Variants in TNFRSF1A observed in about 807,000 individuals in gnomAD.
TNFRSF1A encodes TNF receptor superfamily member 1A.
Under a neutral mutation model 41.6 loss-of-function variants are expected in TNFRSF1A, and 9 were observed. The observed-to-expected ratio is 0.22, with a 90% CI of 0.13 to 0.38. TNFRSF1A has a LOEUF of 0.38. Ranked by LOEUF, TNFRSF1A falls within the 10% of genes least tolerant of loss-of-function variation. The pLI is 1.00. For synonymous variants in TNFRSF1A, 254 were observed against 248.6 expected, an observed-to-expected ratio of 1.02 and a Z score of -0.21; for missense variants, 463 against 591.5, an observed-to-expected ratio of 0.78 and a Z score of 2.25.
Position 6,329,619 on chromosome 12 carries a change from T to C in TNFRSF1A, c.1061A>G (p.Asp354Gly). The change falls in exon 10 of 10, where the codon GAT becomes GGT. Residue 354 changes from aspartate to glycine, a missense_variant. By Grantham distance (94) the Asp-to-Gly change is moderately conservative. Transcript: ENST00000162749. Reference protein sequence around the residue: ...SAHKPQSLDTDDPATLYAVVE... With the variant: ...SAHKPQSLDTGDPATLYAVVE... ...CACGGCGTACAGCGTCGCGGGGTCA[T>C]CAGCTGCGGGGACGCGGGCCGGTGA... The C allele has an allele frequency of 6.3e-7, 1 of 1,593,882 alleles. No homozygotes were observed. The highest frequency in any genetic ancestry group is 8.5e-7 in the Non-Finnish European group (1 of 1,174,174).
rs369451569 is a variant in TNFRSF1A at position 6,329,626 on chromosome 12, C to G, written c.1058-4G>C. 2.5e-6 allele frequency: 4 copies of G among 1,589,186 alleles called. No individual in the cohort carries two copies. In the Admixed American group the frequency reaches 5.1e-5, roughly 20 times the overall value. ...TACAGCGTCGCGGGGTCATCAGCTG[C>G]GGGGACGCGGGCCGGTGAGCCTCGG... On this transcript the variant is annotated splice_polypyrimidine_tract_variant and splice_region_variant and intron_variant, in intron 9 of 9. Coordinates refer to ENST00000162749, the MANE Select transcript of TNFRSF1A (RefSeq NM_001065.4).
rs1592044162 is a variant in TNFRSF1A at position 6,329,970 on chromosome 12, G to A, written c.865C>T (p.Pro289Ser). Residue 289 changes from proline (P) to serine (S), a missense_variant, in exon 9 of 10, where the codon CCC becomes TCC. Around this residue, in one of 4 missense-constraint regions of TNFRSF1A, gnomAD observed 277 missense variants for 288.8 expected, o/e 0.96. Coordinates refer to ENST00000162749, the MANE Select transcript of TNFRSF1A (RefSeq NM_001065.4). The part of the protein sequence containing the change: ...FTPTLGFSPV[P>S]SSTFTSSSTY... ...GAGCTGGAGGTGAAGGTGGAACTGG[G>A]CACGGGACTGAAGCCCAGGGTGGGG... The A allele has an allele frequency of 1.9e-6, 3 of 1,584,342 alleles. No homozygotes were observed. The highest frequency in any genetic ancestry group is 2.3e-5 in the East Asian group (1 of 43,352).
Position 6,333,204 on chromosome 12 carries a change from G to A in TNFRSF1A, c.473-57C>T, listed in dbSNP as rs993065991. 3.2e-6 allele frequency: 5 copies of A among 1,587,166 alleles called. No individual in the cohort carries two copies. The African/African-American group carries it at 4.0e-5, about 13-fold the overall frequency. ...GAAGCGCCTGCACCCCCACCCCACA[G>A]GACAGAGGAAGTGACGAGGGACAGG... On this transcript the variant is annotated intron_variant, in intron 4 of 9. Transcript: ENST00000162749. This position sits in a 1 kb window ranked among gnomAD's most constrained non-coding sequence, Gnocchi z 6.3.
intron 7 of TNFRSF1A, 96 bp downstream of exon 7, chr12:6,330,502 G>T: frequency 9.3e-7 from 1 of 1,070,898 alleles, no homozygotes. Flanking sequence ...GAACTGAGGG[G>T]ACACTCCTCA....
chr12:6,332,238 G>A (rs1289056099), intron 5 of TNFRSF1A, among the ~76,000 whole-genome samples: 1 of 151,468 alleles, frequency 6.6e-6, no homozygotes, highest in East Asian at 1.9e-4. Flanking sequence ...CCAGGAGTCC[G>A]AGGCCAGCCT....
At position 6,334,013 on chromosome 12, in the gene TNFRSF1A, G is replaced by C; in HGVS notation, c.193+78C>G. 8 of 1,611,820 alleles carry C rather than the reference G, an allele frequency of 5.0e-6. No individual in the cohort carries two copies. Among genetic ancestry groups the C allele is most frequent in the Non-Finnish European group, 6.8e-6 (8 of 1,177,988 alleles). ...AGCCCAGGAGAGACAGCAAAGTTAGGGAAGAACAACTGGAAGAAGCAGAGA... is the reference window on the plus strand; with the variant it reads ...AGCCCAGGAGAGACAGCAAAGTTAGCGAAGAACAACTGGAAGAAGCAGAGA... On this transcript the variant is annotated intron_variant, in intron 2 of 9. Coordinates refer to ENST00000162749, the MANE Select transcript of TNFRSF1A (RefSeq NM_001065.4). The surrounding 1 kb of genome is among the most constrained non-coding windows in gnomAD (Gnocchi z 5.1).
Position 6,341,795 on chromosome 12 carries a change from G to A in TNFRSF1A, c.20C>T (p.Pro7Leu). 6.2e-7 allele frequency: 1 copy of A among 1,614,172 alleles called. No homozygotes were observed. The highest frequency in any genetic ancestry group is 1.1e-5 in the South Asian group (1 of 91,090). MGLSTV[P>L]DLLLPLVLLE... ...TCTCACCAGTGGCAGCAGCAGGTCA[G>A]GCACGGTGGAGAGGCCCATGCCAGA... The change falls in exon 1 of 10, where the codon CCT becomes CTT. Residue 7 changes from proline (P) to leucine (L), a missense_variant. Physicochemically the swap from Pro to Leu is moderately conservative, Grantham distance 98. This residue lies in a region of TNFRSF1A where 37 missense variants were observed against 46.5 expected (regional missense o/e 0.80). Transcript: ENST00000162749. This position sits in a 1 kb window ranked among gnomAD's most constrained non-coding sequence, Gnocchi z 4.6.
intron 5 of TNFRSF1A, 77 bp from the exon 6 acceptor site, chr12:6,331,003 G>A: frequency 4.9e-6 from 6 of 1,216,934 alleles, no homozygotes; most frequent in Non-Finnish European, 7.2e-6. Context: ...ACAGATTGTT[G>A]GACATCCTTT....
chr12:6,329,842 G>A lies in TNFRSF1A; in HGVS notation c.993C>T (p.Ser331=), dbSNP rs1352725854. The change falls in exon 9 of 10, where the codon TCC becomes TCT. Residue 331 remains serine (S), a synonymous_variant. Transcript: ENST00000162749. The part of the protein sequence containing the change: ...ADPILATALA[S]DPIPNPLQKW... Reference sequence around the variant, plus strand: ...TCTGAAGGGGGTTGGGGATGGGGTCGGAGGCGAGGGCTGTCGCAAGGATGG... The same window carrying A: ...TCTGAAGGGGGTTGGGGATGGGGTCAGAGGCGAGGGCTGTCGCAAGGATGG... 3.7e-6 allele frequency: 6 copies of A among 1,603,340 alleles called. No individual in the cohort carries two copies. Among genetic ancestry groups the A allele is most frequent in the Non-Finnish European group, 5.1e-6 (6 of 1,175,800 alleles).
At position 6,337,386 on chromosome 12, in the gene TNFRSF1A, A is replaced by T. The variant is rs1395589388; in HGVS notation, c.40-3142T>A. On this transcript the variant is annotated intron_variant, in intron 1 of 9. Transcript: ENST00000162749. This position sits in a 1 kb window ranked among gnomAD's most constrained non-coding sequence, Gnocchi z 4.6. ...CAATTTCCGCCAGAGGAGGCTTTAA[A>T]GTGTGACTTCCTGTGCTGGGGCTGC... Among the ~76,000 whole-genome samples, 3 of 152,170 alleles carry T rather than the reference A, an allele frequency of 2.0e-5. No homozygotes were observed. The highest frequency in any genetic ancestry group is 4.4e-5 in the Non-Finnish European group (3 of 68,016).
At chr12:6,340,920 C>A (rs917332025) in intron 1 of TNFRSF1A, among the ~76,000 whole-genome samples, 2 of 152,230 alleles carry the variant, frequency 1.3e-5, no homozygotes, top group Admixed American at 6.5e-5. Context: ...TTTCTACCAA[C>A]TTCCCCAAAC....
At chr12:6,336,949 AG>A (rs1238906631) in intron 1 of TNFRSF1A, among the ~76,000 whole-genome samples, 3 of 152,196 alleles carry the variant, frequency 2.0e-5, no homozygotes, top group South Asian at 2.1e-4. Context: ...TTAGGAAACA[AG>A]GCCAGTTCTG....
intron 1 of TNFRSF1A, among the ~76,000 whole-genome samples, chr12:6,338,833 T>C (rs1420590888): frequency 6.6e-6 from 1 of 152,164 alleles, no homozygotes; most frequent in African/African-American, 2.4e-5. Context: ...TTTTGCTGTG[T>C]TGCCCAGGCT....
intron 5 of TNFRSF1A, 118 bp downstream of exon 5, chr12:6,332,951 T>C: frequency 1.2e-6 from 1 of 864,938 alleles, no homozygotes; most frequent in Non-Finnish European, 2.0e-6. Flanking sequence ...ACTCAGCCAG[T>C]AGGACCCTGA....
chr12:6,341,920 C>CA lies in TNFRSF1A; in HGVS notation c.-107_-106insT. 4.8e-6 allele frequency: 6 copies of CA among 1,249,788 alleles called. No individual in the cohort carries two copies. The highest frequency in any genetic ancestry group is 5.8e-6 in the Non-Finnish European group (5 of 856,694). 77.4% of individuals were successfully genotyped at this position (1,249,788 alleles called of 1,614,324 possible). On this transcript the variant is annotated 5_prime_UTR_variant, in exon 1 of 10. The change creates a premature stop within an existing upstream ORF in the 5' untranslated region. Coordinates refer to ENST00000162749, the MANE Select transcript of TNFRSF1A (RefSeq NM_001065.4). The surrounding 1 kb of genome is among the most constrained non-coding windows in gnomAD (Gnocchi z 4.6). ...CGGTCTGTCCAGGACGTCCCAAGTG[C>CA]CTTGGGGTGACAGTTGAGGGTTGAG...
chr12:6,329,430 G>A lies in TNFRSF1A; in HGVS notation c.1250C>T (p.Thr417Met), dbSNP rs1438992709. 2 of 1,583,624 alleles carry A rather than the reference G, an allele frequency of 1.3e-6. No individual in the cohort carries two copies. The highest frequency in any genetic ancestry group is 1.7e-6 in the Non-Finnish European group (2 of 1,171,832). Residue 417 changes from threonine (T) to methionine (M), a missense_variant, in exon 10 of 10, where the codon ACG becomes ATG. Around this residue, in one of 4 missense-constraint regions of TNFRSF1A, gnomAD observed 277 missense variants for 288.8 expected, o/e 0.96. Transcript: ENST00000162749. ...GAGCACGCGTCCCAGCAGCTCCAGC[G>A]TGGCCTCGCGCCGCGGCGTGCGCCG... The part of the protein sequence containing the change: ...WRRRTPRREA[T>M]LELLGRVLRD...
chr12:6,329,978 C>A lies in TNFRSF1A; in HGVS notation c.857G>T (p.Ser286Ile), dbSNP rs1314534317. 2 of 1,590,992 alleles carry A rather than the reference C, an allele frequency of 1.3e-6. No individual in the cohort carries two copies. Among genetic ancestry groups the A allele is most frequent in the Non-Finnish European group, 1.7e-6 (2 of 1,167,282 alleles). Residue 286 changes from serine (S) to isoleucine (I), a missense_variant, in exon 9 of 10, where the codon AGT becomes ATT. Coordinates refer to ENST00000162749, the MANE Select transcript of TNFRSF1A (RefSeq NM_001065.4). Reference protein sequence around the residue: ...TPGFTPTLGFSPVPSSTFTSS... With the variant: ...TPGFTPTLGFIPVPSSTFTSS... The stretch of plus-strand genomic sequence containing the variant: ...GGTGAAGGTGGAACTGGGCACGGGA[C>A]TGAAGCCCAGGGTGGGGGTGAAGCC...
At chr12:6,340,413 C>A (rs867447974) in intron 1 of TNFRSF1A, among the ~76,000 whole-genome samples, 11 of 152,116 alleles carry the variant, frequency 7.2e-5, no homozygotes, top group Non-Finnish European at 1.0e-4. Context: ...AGCCAGGGGC[C>A]GCCCCCAAAC....
In TNFRSF1A at chr12:6,333,830, GC is replaced by G; in HGVS notation, c.228del (p.Gln77ArgfsTer98). On this transcript the variant is annotated frameshift_variant, in exon 3 of 10. Transcript: ENST00000162749. LOFTEE classifies it high-confidence loss of function. The surrounding 1 kb of genome is among the most constrained non-coding windows in gnomAD (Gnocchi z 6.3). ...TYLYNDCPGP[G>X]QDTDCRECES... ...TCACACTCCCTGCAGTCCGTATCCT[GC>G]CCCGGGCCTGGACAGTCATTGTACA... 1.9e-6 allele frequency: 3 copies of G among 1,598,730 alleles called. No individual in the cohort carries two copies. Among genetic ancestry groups the G allele is most frequent in the Non-Finnish European group, 1.7e-6 (2 of 1,172,142 alleles).
Sources: gnomAD v4.1 joint callset for allele counts (sites outside exome capture counted in the v4.1 genomes callset) on GRCh38, gnomAD v4.1.1 for gene constraint, gnomAD v4.1.1 regional missense constraint, Gnocchi (gnomAD v3.1) non-coding constraint, MANE v1.5 for transcripts, NCBI Gene and HGNC (gene_info 2026-07-23, HGNC 2026-07-21) for gene names.